Variants in IPO7 observed in about 807,000 individuals in gnomAD.
IPO7 encodes importin 7, also known as importin-7.
Under a neutral mutation model 136.4 loss-of-function variants are expected in IPO7, and 13 were observed. The observed-to-expected ratio is 0.10, with a 90% CI of 0.06 to 0.15. The LOEUF is 0.15. Among genes scored for constraint, IPO7 ranks in the 10% least tolerant of loss-of-function variants. The pLI, the probability that IPO7 is intolerant of heterozygous loss-of-function variation, is 1.00. For missense variants in IPO7, 857 were observed against 1,240.6 expected (o/e 0.69, Z 4.65); for synonymous variants, 403 against 404.4 (o/e 1.00, Z 0.04).
intron 1 of IPO7, among the ~76,000 whole-genome samples, chr11:9,401,354 A>C (rs1854793253): frequency 6.6e-6 from 1 of 152,132 alleles, no homozygotes; most frequent in Non-Finnish European, 1.5e-5. Context: ...TAATTTTTAA[A>C]AGATTGTTTT....
At chr11:9,385,131 CATGGCTGGCTCGG>C (rs1363733173) in intron 1 of IPO7, among the ~76,000 whole-genome samples, 8 of 152,174 alleles carry the variant, frequency 5.3e-5, no homozygotes, top group African/African-American at 1.2e-4. Context: ...GGGTTGGACA[CATGGCTGGCTCGG>C]GTGGCTGGCC....
chr11:9,412,031 A>G (rs1419068324), intron 4 of IPO7, among the ~76,000 whole-genome samples: 1 of 152,246 alleles, frequency 6.6e-6, no homozygotes, highest in Non-Finnish European at 1.5e-5. Flanking sequence ...TGTAGTTTGT[A>G]TAATCAGATT....
Position 9,416,936 on chromosome 11 carries a change from A to G in IPO7, c.637-123A>G, listed in dbSNP as rs1045387568. 8.5e-5 allele frequency: 41 copies of G among 480,448 alleles called. 1 individual carries two copies. The Middle Eastern group carries it at 9.5e-4, about 11-fold the overall frequency. 29.8% of individuals were successfully genotyped at this position (480,448 alleles called of 1,614,324 possible). ...AGATAACAAGCAAAGAAGTTTGCCT[A>G]TGTACTAAAAGCAGGAAATGTGGAT... On this transcript the variant is annotated intron_variant, in intron 5 of 24. Transcript: ENST00000379719.
chr11:9,397,580 T>C (rs1329089152), intron 1 of IPO7, among the ~76,000 whole-genome samples: 1 of 151,228 alleles, frequency 6.6e-6, no homozygotes, highest in Non-Finnish European at 1.5e-5. Flanking sequence ...CAGTTTAATC[T>C]GGGGTTCTAA....
chr11:9,429,852 A>C lies in IPO7; in HGVS notation c.1752+18A>C. 6.4e-7 allele frequency: 1 copy of C among 1,553,884 alleles called. No homozygotes were observed. The highest frequency in any genetic ancestry group is 8.7e-7 in the Non-Finnish European group (1 of 1,150,050). ...AACATTTGGTATGTTGTTTGAACCT[A>C]CCATATTTGCAAGCATTTTAATGTA... On this transcript the variant is annotated intron_variant, in intron 15 of 24. Coordinates refer to ENST00000379719, the MANE Select transcript of IPO7 (RefSeq NM_006391.3).
chr11:9,440,779 G>C (rs542544259), intron 23 of IPO7, 118 bp downstream of exon 23: 143 of 758,452 alleles, frequency 1.9e-4, no homozygotes, highest in Non-Finnish European at 3.0e-4. Context: ...AGGCTGGTTA[G>C]GCAAAGTAAC....
intron 5 of IPO7, 55 bp downstream of exon 5, chr11:9,414,466 G>A: frequency 8.8e-7 from 1 of 1,133,954 alleles, no homozygotes; most frequent in Non-Finnish European, 1.2e-6. Flanking sequence ...CATTTACCGT[G>A]TTAAAAATTA....
In IPO7 at chr11:9,421,204, G is replaced by A. The variant is rs558127751; in HGVS notation, c.906+506G>A. Among the ~76,000 whole-genome samples the A allele has an allele frequency of 3.3e-3, 504 of 151,304 alleles. 5 individuals carry two copies. The highest frequency in any genetic ancestry group is 0.012 in the African/African-American group (479 of 41,228). Reference sequence around the variant, plus strand: ...TTGAACTCCTGACCTCAGGTGATCCGCCTGCCTTGGCCTCCCAAAGTGCTG... The same window carrying A: ...TTGAACTCCTGACCTCAGGTGATCCACCTGCCTTGGCCTCCCAAAGTGCTG... On this transcript the variant is annotated intron_variant, in intron 8 of 24. Coordinates refer to ENST00000379719, the MANE Select transcript of IPO7 (RefSeq NM_006391.3).
intron 6 of IPO7, among the ~76,000 whole-genome samples, chr11:9,417,747 TTG>T (rs1364499675): frequency 6.6e-6 from 1 of 151,666 alleles, no homozygotes; most frequent in African/African-American, 2.4e-5. Flanking sequence ...AGTTTCGCTC[TTG>T]TTGCCTAGGC....
At position 9,428,983 on chromosome 11, in the gene IPO7, G is replaced by C. The variant is rs149505380; in HGVS notation, c.1426-48G>C. Reference sequence around the variant, plus strand: ...TCAGGGAATAGAGATTAGCTTGGGGGAATTTAAGGTAAGGTATCTACAGTA... The same window carrying C: ...TCAGGGAATAGAGATTAGCTTGGGGCAATTTAAGGTAAGGTATCTACAGTA... On this transcript the variant is annotated intron_variant, in intron 13 of 24. Coordinates refer to ENST00000379719, the MANE Select transcript of IPO7 (RefSeq NM_006391.3). 4.0e-4 allele frequency: 610 copies of C among 1,522,818 alleles called. 1 individual carries two copies. The African/African-American group carries it at 7.5e-3, about 19-fold the overall frequency. 94.3% of individuals were successfully genotyped at this position (1,522,818 alleles called of 1,614,324 possible). A position where few individuals can be genotyped will look rare whatever the true frequency, so the allele number is the denominator to read the frequency against.
At chr11:9,407,575 G>A (rs898134832) in intron 2 of IPO7, among the ~76,000 whole-genome samples, 68 of 152,046 alleles carry the variant, frequency 4.5e-4, no homozygotes, top group African/African-American at 1.6e-3. Flanking sequence ...TTGTTGAGGG[G>A]TATTTTAATA....
In IPO7 at chr11:9,446,738, G is replaced by A. The variant is rs1001084145; in HGVS notation, c.*1544G>A. On this transcript the variant is annotated 3_prime_UTR_variant, in exon 25 of 25. Transcript: ENST00000379719. ...ATGCACATATTGATATTTAAAATGC[G>A]TAATTAAGAAAACCCATTGTTGTTG... is the stretch of plus-strand genomic sequence containing the variant. 9.9e-5 allele frequency: 15 copies of A among 152,118 alleles called. No individual in the cohort carries two copies. The highest frequency in any genetic ancestry group is 2.1e-4 in the South Asian group (1 of 4,836). 9.4% of individuals were successfully genotyped at this position (152,118 alleles called of 1,614,324 possible). A position where few individuals can be genotyped will look rare whatever the true frequency, so the allele number is the denominator to read the frequency against.
At chr11:9,439,471 C>A (rs187010490) in intron 22 of IPO7, among the ~76,000 whole-genome samples, 191 of 152,102 alleles carry the variant, frequency 1.3e-3, no homozygotes, top group Non-Finnish European at 2.1e-3. Flanking sequence ...GAATCCTTGA[C>A]GCTTAAATAG....
intron 14 of IPO7, 51 bp downstream of exon 14, chr11:9,429,247 G>A: frequency 6.9e-7 from 1 of 1,448,636 alleles, no homozygotes; most frequent in Non-Finnish European, 9.6e-7. Context: ...AGGTGCGGTA[G>A]GTCACACCTG....
intron 12 of IPO7, 103 bp from the exon 13 acceptor site, chr11:9,428,437 A>G (rs561327235): frequency 2.1e-5 from 11 of 520,660 alleles, no homozygotes; most frequent in Non-Finnish European, 3.1e-5. Context: ...GAGAATAAAT[A>G]TATGTAACAT....
At chr11:9,396,532 C>T (rs1459204721) in intron 1 of IPO7, among the ~76,000 whole-genome samples, 1 of 152,152 alleles carries the variant, frequency 6.6e-6, no homozygotes, top group Non-Finnish European at 1.5e-5. Context: ...AAAACATTTC[C>T]ATCACCCCAC....
intron 10 of IPO7, 126 bp downstream of exon 10, chr11:9,424,002 T>G: frequency 3.7e-6 from 2 of 543,872 alleles, no homozygotes; most frequent in South Asian, 5.3e-5. Context: ...ATCCCTTGTG[T>G]AGTCCTTTTT....
rs746970295 is a variant in IPO7, at chr11:9,428,521, CTG to C, written c.1336-17_1336-16del. 109 of 1,068,652 alleles carry C rather than the reference CTG, an allele frequency of 1.0e-4. No individual in the cohort carries two copies. Among genetic ancestry groups the C allele is most frequent in the African/African-American group, 1.9e-4 (12 of 62,894 alleles). 66.2% of individuals were successfully genotyped at this position (1,068,652 alleles called of 1,614,324 possible). A position where few individuals can be genotyped will look rare whatever the true frequency, so the allele number is the denominator to read the frequency against. On this transcript the variant is annotated splice_polypyrimidine_tract_variant and intron_variant, in intron 12 of 24. Transcript: ENST00000379719. ...TATATTTGGAACTGTATCAAAATAA[CTG>C]TTGTTTATATTTACAGAAAAAGATC... is the stretch of plus-strand genomic sequence containing the variant.
intron 4 of IPO7, among the ~76,000 whole-genome samples, chr11:9,412,830 CA>C (rs71062848): frequency 0.71 from 104,970 of 146,828 alleles, 38,362 homozygotes; most frequent in Non-Finnish European, 0.81. Flanking sequence ...GCACTTTCTC[CA>C]AAAAAAAAAG....
Sources: gnomAD v4.1 joint callset for allele counts (sites outside exome capture counted in the v4.1 genomes callset) on GRCh38, gnomAD v4.1.1 for gene constraint, MANE v1.5 for transcripts, NCBI Gene and HGNC (gene_info 2026-07-23, HGNC 2026-07-21) for gene names.